The following OTUD3 variants were observed in gnomAD, a reference collection of about 807,000 sequenced individuals.
The protein encoded by OTUD3 is OTU domain-containing protein 3.
A neutral mutation model predicts 46.2 loss-of-function variants in OTUD3; 24 were observed. The observed-to-expected ratio is 0.52, with a 90% CI of 0.38 to 0.73. The LOEUF (loss-of-function observed/expected upper bound fraction) is 0.73. Among genes scored for constraint, OTUD3 ranks in the 30% least tolerant of loss-of-function variants. The probability of loss-of-function intolerance (pLI) is 0.00; values close to 1 mark genes in which losing one functional copy is unlikely to be tolerated. For synonymous variants in OTUD3, 189 were observed against 195.4 expected (o/e 0.97, Z 0.27); for missense variants, 455 against 523.3 (o/e 0.87, Z 1.27).
intron 1 of OTUD3, among the ~76,000 whole-genome samples, chr1:19,883,666 G>A (rs2045311379): frequency 1.5e-5 from 1 of 66,458 alleles, no homozygotes; most frequent in African/African-American, 4.5e-5. Context: ...ATTTTGTAGA[G>A]ACGGTGATTT....
intron 3 of OTUD3, among the ~76,000 whole-genome samples, chr1:19,894,949 T>G (rs1488530102): frequency 6.6e-6 from 1 of 152,176 alleles, no homozygotes. Flanking sequence ...TTGAAAAAGC[T>G]CGTAAAGAGA....
intron 3 of OTUD3, among the ~76,000 whole-genome samples, chr1:19,897,329 A>T (rs1044586500): frequency 6.6e-6 from 1 of 152,182 alleles, no homozygotes; most frequent in African/African-American, 2.4e-5. Context: ...ATTTATTTCC[A>T]TGGAGTTACA....
intron 1 of OTUD3, among the ~76,000 whole-genome samples, chr1:19,886,990 A>G (rs766300353): frequency 3.3e-5 from 5 of 152,212 alleles, no homozygotes; most frequent in African/African-American, 7.2e-5. Context: ...TAATTTTAGT[A>G]TATTTTATTT....
intron 3 of OTUD3, among the ~76,000 whole-genome samples, chr1:19,894,909 A>T (rs1366423296): frequency 1.3e-5 from 2 of 152,222 alleles, no homozygotes; most frequent in African/African-American, 2.4e-5. Flanking sequence ...TAAAAAGTTA[A>T]AATACAGTAC....
At chr1:19,884,566 A>G (rs1434666999) in intron 1 of OTUD3, among the ~76,000 whole-genome samples, 1 of 152,186 alleles carries the variant, frequency 6.6e-6, no homozygotes. Flanking sequence ...TTACTGAGAA[A>G]CCGAAAGAAC....
chr1:19,890,140 CTG>C (rs2045426662), intron 1 of OTUD3, among the ~76,000 whole-genome samples: 1 of 152,160 alleles, frequency 6.6e-6, no homozygotes, highest in Non-Finnish European at 1.5e-5. Flanking sequence ...GATGACTCTC[CTG>C]AGTCAGCCAG....
intron 1 of OTUD3, 147 bp downstream of exon 1, chr1:19,882,881 TC>T: frequency 3.0e-6 from 2 of 673,996 alleles, no homozygotes; most frequent in African/African-American, 1.9e-5. Flanking sequence ...GTGCAGGGCG[TC>T]CAGCTGCGAG....
At chr1:19,885,533 A>C (rs956379149) in intron 1 of OTUD3, among the ~76,000 whole-genome samples, 5 of 152,176 alleles carry the variant, frequency 3.3e-5, no homozygotes, top group African/African-American at 1.2e-4. Context: ...GGCTCACTGC[A>C]ATCTCTGCCT....
chr1:19,897,626 T>C lies in OTUD3; in HGVS notation c.570T>C (p.Asn190=). ...ACTACGACAGTGTTCGGAGGATCAATGACAACTCAGAGGCACCTGCACATC... is the reference window on the plus strand; with the variant it reads ...ACTACGACAGTGTTCGGAGGATCAACGACAACTCAGAGGCACCTGCACATC... ...GEHYDSVRRI[N]DNSEAPAHLQ... Residue 190 remains asparagine (N), a synonymous_variant, in exon 4 of 8, where the codon AAT becomes AAC. Transcript: ENST00000375120. 1 of 1,614,086 alleles carries C rather than the reference T, an allele frequency of 6.2e-7. No homozygotes were observed. Among genetic ancestry groups the C allele is most frequent in the Non-Finnish European group, 8.5e-7 (1 of 1,179,998 alleles).
intron 1 of OTUD3, among the ~76,000 whole-genome samples, chr1:19,883,141 G>A (rs1207502481): frequency 6.6e-6 from 1 of 152,246 alleles, no homozygotes; most frequent in East Asian, 1.9e-4. Flanking sequence ...GTTTGAGTAA[G>A]CCCCACTTGG....
In OTUD3 at chr1:19,890,552, AT is replaced by A; in HGVS notation, c.370+21del. Reference sequence around the variant, plus strand: ...AAGCATGGTAGGTTCACTGTGGGACATTGTGTCCTTCAGGAGTAATGCATTG... The same window carrying A: ...AAGCATGGTAGGTTCACTGTGGGACATGTGTCCTTCAGGAGTAATGCATTG... On this transcript the variant is annotated intron_variant, in intron 2 of 7. Coordinates refer to ENST00000375120, the MANE Select transcript of OTUD3 (RefSeq NM_015207.2). 6.2e-6 allele frequency: 10 copies of A among 1,611,776 alleles called. No homozygotes were observed. The highest frequency in any genetic ancestry group is 8.5e-6 in the Non-Finnish European group (10 of 1,178,020).
intron 6 of OTUD3, among the ~76,000 whole-genome samples, chr1:19,905,872 G>A (rs568670015): frequency 6.6e-6 from 1 of 152,324 alleles, no homozygotes; most frequent in African/African-American, 2.4e-5. Flanking sequence ...TCCATGTGAT[G>A]AGGTATTTTA....
chr1:19,902,733 GT>G (rs2045607845), intron 4 of OTUD3, among the ~76,000 whole-genome samples: 1 of 152,018 alleles, frequency 6.6e-6, no homozygotes, highest in Non-Finnish European at 1.5e-5. Context: ...GTTTGCAGTA[GT>G]TTTTTGTTGA....
chr1:19,900,056 G>T (rs778390222), intron 4 of OTUD3, among the ~76,000 whole-genome samples: 2 of 152,100 alleles, frequency 1.3e-5, no homozygotes, highest in Non-Finnish European at 2.9e-5. Flanking sequence ...TGCTATGAAA[G>T]AATTTTAGAT....
intron 4 of OTUD3, among the ~76,000 whole-genome samples, chr1:19,898,901 CG>C (rs2045552412): frequency 6.6e-6 from 1 of 152,108 alleles, no homozygotes; most frequent in Non-Finnish European, 1.5e-5. Flanking sequence ...GGCTTGTCTA[CG>C]TGGACTCCAG....
At chr1:19,892,005 C>T (rs1474831446) in intron 2 of OTUD3, among the ~76,000 whole-genome samples, 1 of 152,104 alleles carries the variant, frequency 6.6e-6, no homozygotes, top group Non-Finnish European at 1.5e-5. Flanking sequence ...TTGGATGAAA[C>T]GGGTTTTTAG....
chr1:19,887,467 A>G (rs2045381702), intron 1 of OTUD3, among the ~76,000 whole-genome samples: 1 of 152,230 alleles, frequency 6.6e-6, no homozygotes, highest in African/African-American at 2.4e-5. Context: ...GATTAGCCAC[A>G]TCAGATGCTC....
At chr1:19,898,879 C>T (rs896112257) in intron 4 of OTUD3, among the ~76,000 whole-genome samples, 7 of 152,178 alleles carry the variant, frequency 4.6e-5, no homozygotes, top group South Asian at 2.1e-4. Flanking sequence ...GGCACCATCA[C>T]GGCTCACAGC....
At chr1:19,905,092 C>G in intron 6 of OTUD3, 105 bp downstream of exon 6, 1 of 686,888 alleles carries the variant, frequency 1.5e-6, no homozygotes, top group East Asian at 2.6e-5. Flanking sequence ...TTCTGTCATT[C>G]ATTTAGGAGT....
Sources: allele counts gnomAD v4.1 joint callset (sites outside exome capture counted in the v4.1 genomes callset), GRCh38; gene constraint gnomAD v4.1.1; transcripts MANE v1.5; gene names NCBI Gene and HGNC (gene_info 2026-07-23, HGNC 2026-07-21).